GLIS3: variants seen among roughly 807,000 people sequenced by gnomAD.
GLIS3 encodes zinc finger protein GLIS3.
In GLIS3, 53 loss-of-function variants were observed where a neutral mutation model predicts 78.6. That is an observed-to-expected ratio of 0.67 (90% CI 0.54 to 0.85). The LOEUF (loss-of-function observed/expected upper bound fraction) is 0.85, where lower values mean the gene tolerates loss of function less well. Ranked by LOEUF, GLIS3 falls within the 40% of genes least tolerant of loss-of-function variation. The pLI, the probability that GLIS3 is intolerant of heterozygous loss-of-function variation, is 0.00. For missense variants in GLIS3, 1,703 were observed against 1,231.1 expected, an observed-to-expected ratio of 1.38 and a Z score of -5.74; for synonymous variants, 684 against 509.9, an observed-to-expected ratio of 1.34 and a Z score of -4.60.
At chr9:3,975,742 TCA>T (rs1818732646) in intron 4 of GLIS3, among the ~76,000 whole-genome samples, 1 of 152,164 alleles carries the variant, frequency 6.6e-6, no homozygotes, top group Non-Finnish European at 1.5e-5. Flanking sequence ...GTGACAAGTC[TCA>T]CAGATTCATT....
chr9:4,362,236 AT>A, the GLIS3 span, among the ~76,000 whole-genome samples: 238 of 152,192 alleles, frequency 1.6e-3, no homozygotes, highest in African/African-American at 5.6e-3. Context: ...TTTGCTATGG[AT>A]TTTTTTCCTT....
At chr9:3,869,715 C>T (rs1820852949) in intron 8 of GLIS3, among the ~76,000 whole-genome samples, 1 of 152,204 alleles carries the variant, frequency 6.6e-6, no homozygotes, top group Non-Finnish European at 1.5e-5. Flanking sequence ...TTTTACCTTT[C>T]TCAAACCTTC....
At chr9:3,931,272 A>T (rs679641) in intron 6 of GLIS3, among the ~76,000 whole-genome samples, 142,949 of 152,058 alleles carry the variant, frequency 0.94, 67,807 homozygotes, top group East Asian at 1. Context: ...TTGTGCTAAC[A>T]CTTCTCAAGG....
At chr9:4,020,322 T>C (rs1385468673) in intron 4 of GLIS3, among the ~76,000 whole-genome samples, 1 of 152,108 alleles carries the variant, frequency 6.6e-6, no homozygotes, top group Non-Finnish European at 1.5e-5. Flanking sequence ...TTTTGTTTTG[T>C]TTTTTTCTTA....
intron 4 of GLIS3, among the ~76,000 whole-genome samples, chr9:4,009,743 G>A (rs1245705253): frequency 1.3e-5 from 2 of 152,176 alleles, no homozygotes; most frequent in African/African-American, 4.8e-5. Flanking sequence ...GAACATTCAG[G>A]GATCTGACAG....
the GLIS3 span, among the ~76,000 whole-genome samples, chr9:4,392,690 G>C: frequency 8.5e-5 from 13 of 152,100 alleles, no homozygotes; most frequent in Non-Finnish European, 1.6e-4. Context: ...TAAGGGAGGA[G>C]GGACACCCTG....
chr9:3,983,589 A>G (rs968072701), intron 4 of GLIS3, among the ~76,000 whole-genome samples: 2 of 152,190 alleles, frequency 1.3e-5, no homozygotes, highest in East Asian at 3.9e-4. Flanking sequence ...TGTGGATAAT[A>G]AAGTCCAGGC....
chr9:4,256,384 G>A (rs554271047), intron 2 of GLIS3, among the ~76,000 whole-genome samples: 5 of 152,094 alleles, frequency 3.3e-5, no homozygotes, highest in African/African-American at 1.2e-4. Context: ...GAAAATACCT[G>A]GACAACTTTA....
intron 2 of GLIS3, among the ~76,000 whole-genome samples, chr9:4,165,613 T>A (rs1470721713): frequency 2.0e-5 from 3 of 152,226 alleles, no homozygotes; most frequent in African/African-American, 7.2e-5. Flanking sequence ...CAGGAAGGCT[T>A]CCAGAATTCC....
intron 4 of GLIS3, among the ~76,000 whole-genome samples, chr9:4,014,359 C>T (rs1439169350): frequency 2.0e-5 from 3 of 152,148 alleles, no homozygotes; most frequent in African/African-American, 7.2e-5. Context: ...CTGGGGACAT[C>T]AGAATTTGAC....
intron 6 of GLIS3, among the ~76,000 whole-genome samples, chr9:3,916,908 G>A (rs1824548982): frequency 6.6e-6 from 1 of 152,120 alleles, no homozygotes; most frequent in African/African-American, 2.4e-5. Flanking sequence ...ATTCAAGAGG[G>A]AAACTTGAAC....
chr9:3,849,377 T>C (rs1351542006), intron 9 of GLIS3, among the ~76,000 whole-genome samples: 1 of 152,218 alleles, frequency 6.6e-6, no homozygotes, highest in Non-Finnish European at 1.5e-5. Context: ...CGCTAAAATA[T>C]CCATCTTCCC....
At chr9:3,975,068 G>A (rs1237998463) in intron 4 of GLIS3, 4 of 152,018 alleles carry the variant, frequency 2.6e-5, no homozygotes, top group African/African-American at 7.2e-5. Flanking sequence ...AATTTCTGGG[G>A]TTGCAATGTA....
intron 4 of GLIS3, among the ~76,000 whole-genome samples, chr9:4,046,976 G>A (rs1308123045): frequency 6.6e-6 from 1 of 152,142 alleles, no homozygotes; most frequent in Non-Finnish European, 1.5e-5. Context: ...AACACTAATG[G>A]GAAAGTTGTC....
At chr9:4,316,449 T>C (rs1470603011) in intron 2 of GLIS3, among the ~76,000 whole-genome samples, 1 of 152,230 alleles carries the variant, frequency 6.6e-6, no homozygotes, top group African/African-American at 2.4e-5. Context: ...TTAAATATCA[T>C]CATTTCATTC....
At chr9:4,400,527 C>T in the GLIS3 span, among the ~76,000 whole-genome samples, 5 of 152,178 alleles carry the variant, frequency 3.3e-5, no homozygotes, top group Admixed American at 2.6e-4. Context: ...CATTTCTTTA[C>T]CTATATTGAT....
chr9:4,233,435 C>T (rs1429328184), intron 2 of GLIS3, among the ~76,000 whole-genome samples: 1 of 152,198 alleles, frequency 6.6e-6, no homozygotes, highest in Non-Finnish European at 1.5e-5. Flanking sequence ...ACATCTCCAT[C>T]AGAGCTCTTC....
chr9:4,141,724 G>A (rs945354501), intron 2 of GLIS3, among the ~76,000 whole-genome samples: 4 of 152,298 alleles, frequency 2.6e-5, no homozygotes, highest in African/African-American at 9.6e-5. Context: ...GGAGAGGTAG[G>A]AAGGCTGAAA....
intron 2 of GLIS3, among the ~76,000 whole-genome samples, chr9:4,228,018 T>C (rs556129397): frequency 1.3e-5 from 2 of 152,218 alleles, no homozygotes; most frequent in South Asian, 4.2e-4. Flanking sequence ...ACTGTATCCA[T>C]TTCTCATCCT....
Sources: gnomAD v4.1 joint callset for allele counts (sites outside exome capture counted in the v4.1 genomes callset) on GRCh38, gnomAD v4.1.1 for gene constraint, MANE v1.5 for transcripts, NCBI Gene and HGNC (gene_info 2026-07-23, HGNC 2026-07-21) for gene names.